The following RDH11 variants were observed in gnomAD, a reference collection of about 807,000 sequenced individuals.
RDH11 encodes the protein HCV core-binding protein HCBP12.
Under a neutral mutation model 33.4 loss-of-function variants are expected in RDH11, and 19 were observed. That is an observed-to-expected ratio of 0.57 (90% CI 0.40 to 0.83). The LOEUF is 0.83. Among genes scored for constraint, RDH11 ranks in the 40% least tolerant of loss-of-function variants. The pLI is 0.00. For missense variants in RDH11, 353 were observed against 389.0 expected, an observed-to-expected ratio of 0.91 and a Z score of 0.78; for synonymous variants, 154 against 155.3, an observed-to-expected ratio of 0.99 and a Z score of 0.06.
chr14:67,679,792 G>A (rs2037590307), intron 6 of RDH11, among the ~76,000 whole-genome samples: 1 of 151,946 alleles, frequency 6.6e-6, no homozygotes, highest in Non-Finnish European at 1.5e-5. Flanking sequence ...CTCTGGATCT[G>A]GTATACATCT....
At chr14:67,694,673 T>C (rs907612214) in intron 1 of RDH11, among the ~76,000 whole-genome samples, 1 of 151,894 alleles carries the variant, frequency 6.6e-6, no homozygotes, top group Non-Finnish European at 1.5e-5. Flanking sequence ...CATGTGTGCC[T>C]AGAGGTGGGA....
chr14:67,692,376 T>A, intron 3 of RDH11, 62 bp downstream of exon 3: 6 of 1,564,792 alleles, frequency 3.8e-6, no homozygotes, highest in Non-Finnish European at 5.2e-6. Context: ...CTTTTCCTTT[T>A]AGTTGAATCT....
chr14:67,692,469 A>G lies in RDH11; in HGVS notation c.318T>C (p.Ser106=). The G allele has an allele frequency of 6.2e-7, 1 of 1,614,176 alleles. No homozygotes were observed. The highest frequency in any genetic ancestry group is 1.1e-5 in the South Asian group (1 of 91,076). The stretch of plus-strand genomic sequence containing the variant: ...AGAAGCCCTTAGCAAAAGCTCGAAT[A>G]GACTTAGTATCAGACAGGTCCAGTT... The part of the protein sequence containing the change: ...VRKLDLSDTK[S]IRAFAKGFLA... The change falls in exon 3 of 7, where the codon TCT becomes TCC. Residue 106 remains serine, a synonymous_variant. Coordinates refer to ENST00000381346, the MANE Select transcript of RDH11 (RefSeq NM_016026.4).
rs533043113 is a variant in RDH11, at chr14:67,685,105, A to C, written c.764T>G (p.Phe255Cys). The C allele has an allele frequency of 5.6e-6, 9 of 1,614,122 alleles. No homozygotes were observed. The African/African-American group carries it at 1.1e-4, about 19-fold the overall frequency. ...FMRWMWWLFS[F>C]FIKTPQQGAQ... is the part of the protein sequence containing the mutation. ...TCCCTGCTGAGGAGTCTTGATGAAAAAGGAGAAAAGCCACCACATCCATCT... is the reference window on the plus strand; with the variant it reads ...TCCCTGCTGAGGAGTCTTGATGAAACAGGAGAAAAGCCACCACATCCATCT... Residue 255 changes from phenylalanine to cysteine, a missense_variant, in exon 6 of 7, where the codon TTT becomes TGT. By Grantham distance (205) the Phe-to-Cys change is radical. Coordinates refer to ENST00000381346, the MANE Select transcript of RDH11 (RefSeq NM_016026.4).
intron 1 of RDH11, among the ~76,000 whole-genome samples, 163 bp from the exon 2 acceptor site, chr14:67,693,215 A>G (rs1490049779): frequency 2.6e-5 from 4 of 152,234 alleles, no homozygotes; most frequent in African/African-American, 9.6e-5. Flanking sequence ...AGGAAAGATG[A>G]CAAAAGTTTT....
chr14:67,682,460 T>G (rs1350031499), intron 6 of RDH11, among the ~76,000 whole-genome samples: 11 of 152,148 alleles, frequency 7.2e-5, no homozygotes, highest in African/African-American at 2.7e-4. Context: ...TTGATAGACA[T>G]TTCCCCAACA....
At chr14:67,695,461 C>G (rs1046449857) in intron 1 of RDH11, among the ~76,000 whole-genome samples, 169 bp downstream of exon 1, 5 of 152,258 alleles carry the variant, frequency 3.3e-5, no homozygotes, top group Non-Finnish European at 7.3e-5. Flanking sequence ...CGGGTGTCCT[C>G]CTGGCACCCA....
chr14:67,692,504 A>T lies in RDH11; in HGVS notation c.283T>A (p.Leu95Met). 6.2e-7 allele frequency: 1 copy of T among 1,613,850 alleles called. No individual in the cohort carries two copies. The highest frequency in any genetic ancestry group is 1.3e-5 in the African/African-American group (1 of 75,004). Residue 95 changes from leucine (L) to methionine (M), a missense_variant, in exon 3 of 7, where the codon TTG becomes ATG. Physicochemically the swap from Leu to Met is conservative, Grantham distance 15 (BLOSUM62 2). Transcript: ENST00000381346. ...IQTTTGNQQV[L>M]VRKLDLSDTK... The stretch of plus-strand genomic sequence containing the variant: ...TCAGACAGGTCCAGTTTCCGCACCA[A>T]CACCTGCTGGTTCCCTGTCGTGGTC...
In RDH11 at chr14:67,679,826, A is replaced by G. The variant is rs188045162; in HGVS notation, c.855-1403T>C. Among the ~76,000 whole-genome samples, 317 of 152,202 alleles carry G rather than the reference A, an allele frequency of 2.1e-3. 2 individuals carry two copies. Among genetic ancestry groups the G allele is most frequent in the Admixed American group, 5.1e-3 (78 of 15,290 alleles). ...CTGGTAAGCATTCAGTCAAAGTTTT[A>G]AAAAAAATGATTGAATGTATTACAA... On this transcript the variant is annotated intron_variant, in intron 6 of 6. Coordinates refer to ENST00000381346, the MANE Select transcript of RDH11 (RefSeq NM_016026.4).
intron 1 of RDH11, among the ~76,000 whole-genome samples, chr14:67,693,852 C>T (rs10135963): frequency 0.037 from 5,597 of 152,020 alleles, 298 homozygotes; most frequent in African/African-American, 0.12. Context: ...GGTTTCACCA[C>T]GCTGGCCAGG....
Position 67,678,385 on chromosome 14 carries a change from T to G in RDH11, c.893A>C (p.Asn298Thr). The part of the protein sequence containing the change: ...HVAWVSAQAR[N>T]ETIARRLWDV... ...CCACAGCCGCCTTGCTATAGTCTCA[T>G]TACGAGCTTGGGCAGAGACCCATGC... The change falls in exon 7 of 7, where the codon AAT (asparagine) becomes ACT (threonine). Residue 298 changes from asparagine to threonine, a missense_variant. Physicochemically the swap from Asn to Thr is moderately conservative, Grantham distance 65 (BLOSUM62 0). Transcript: ENST00000381346. 1.9e-6 allele frequency: 3 copies of G among 1,614,002 alleles called. No homozygotes were observed. In the South Asian group the frequency reaches 3.3e-5, roughly 18 times the overall value.
chr14:67,686,464 C>T (rs2037679503), intron 5 of RDH11, among the ~76,000 whole-genome samples: 1 of 151,978 alleles, frequency 6.6e-6, no homozygotes, highest in South Asian at 2.1e-4. Flanking sequence ...CACAGTGAAA[C>T]CCCGTCTCTA....
At chr14:67,693,536 C>T (rs1448021805) in intron 1 of RDH11, among the ~76,000 whole-genome samples, 1 of 151,424 alleles carries the variant, frequency 6.6e-6, no homozygotes, top group Non-Finnish European at 1.5e-5. Flanking sequence ...AACACACCCA[C>T]ACGCATGCAC....
chr14:67,686,498 G>A (rs2037680016), intron 5 of RDH11, among the ~76,000 whole-genome samples: 1 of 152,084 alleles, frequency 6.6e-6, no homozygotes, highest in East Asian at 1.9e-4. Flanking sequence ...AATTGGCCGG[G>A]CATGGTGGCG....
intron 6 of RDH11, 146 bp from the exon 7 acceptor site, chr14:67,678,569 A>T: frequency 1.7e-6 from 1 of 579,736 alleles, no homozygotes; most frequent in Non-Finnish European, 3.1e-6. Context: ...TTATCTCTTC[A>T]TTCTCCAGTC....
chr14:67,683,117 T>C (rs1422060078), intron 6 of RDH11, among the ~76,000 whole-genome samples: 1 of 152,184 alleles, frequency 6.6e-6, no homozygotes, highest in Non-Finnish European at 1.5e-5. Context: ...CAAAAGACTT[T>C]TATGTTCATT....
chr14:67,692,745 A>C, intron 2 of RDH11, 152 bp from the exon 3 acceptor site: 1 of 931,620 alleles, frequency 1.1e-6, no homozygotes, highest in South Asian at 1.8e-5. Flanking sequence ...GTAAAGAAAA[A>C]TAAATTAATA....
At chr14:67,692,802 G>T (rs2140083511) in intron 2 of RDH11, 132 bp downstream of exon 2, 1 of 881,898 alleles carries the variant, frequency 1.1e-6, no homozygotes, top group East Asian at 2.4e-5. Flanking sequence ...ACTAGTTTCA[G>T]ATCAGCAAAT....
At position 67,690,320 on chromosome 14, in the gene RDH11, G is replaced by A; in HGVS notation, c.556C>T (p.His186Tyr). Reference protein sequence around the residue: ...SSLAHHLGRIHFHNLQGEKFY... With the variant: ...SSLAHHLGRIYFHNLQGEKFY... ...TTCTCGCCCTGCAGGTTATGGAAGT[G>A]GATCCTTCCCAGGTGATGTGCGAGG... Residue 186 changes from histidine (H) to tyrosine (Y), a missense_variant, in exon 5 of 7, where the codon CAC becomes TAC. Physicochemically the swap from His to Tyr is moderately conservative, Grantham distance 83 (BLOSUM62 2). Coordinates refer to ENST00000381346, the MANE Select transcript of RDH11 (RefSeq NM_016026.4). 1 of 1,614,102 alleles carries A rather than the reference G, an allele frequency of 6.2e-7. No individual in the cohort carries two copies.
Sources: allele counts gnomAD v4.1 joint callset (sites outside exome capture counted in the v4.1 genomes callset), GRCh38; gene constraint gnomAD v4.1.1; transcripts MANE v1.5; gene names NCBI Gene and HGNC (gene_info 2026-07-23, HGNC 2026-07-21).